RALYL: variants seen among roughly 807,000 people sequenced by gnomAD.
The protein encoded by RALYL is RNA-binding Raly-like protein.
RALYL carries 29 observed loss-of-function variants against 35.1 expected under a neutral mutation model. That is an observed-to-expected ratio of 0.83 (90% CI 0.61 to 1.13). The LOEUF (loss-of-function observed/expected upper bound fraction) is 1.13. RALYL is among the 50% of genes most tolerant of loss of function. The pLI, the probability that RALYL is intolerant of heterozygous loss-of-function variation, is 0.00. For missense variants in RALYL, 359 were observed against 360.4 expected (o/e 1.00, Z 0.03); for synonymous variants, 120 against 127.6 (o/e 0.94, Z 0.40).
At position 84,812,596 on chromosome 8, in the gene RALYL, G is replaced by T. The variant is rs1231789830; in HGVS notation, c.365+7794G>T. On this transcript the variant is annotated intron_variant, in intron 4 of 8. Transcript: ENST00000521268. ...CCGAGCTCAGGCTCTCCTTCGATGGGTCTTGCTGTGGCTGCTGTGGGGGAC... is the reference window on the plus strand; with the variant it reads ...CCGAGCTCAGGCTCTCCTTCGATGGTTCTTGCTGTGGCTGCTGTGGGGGAC... Among the ~76,000 whole-genome samples the T allele has an allele frequency of 2.0e-5, 3 of 152,156 alleles. No homozygotes were observed. In the East Asian group the frequency reaches 5.8e-4, roughly 29 times the overall value.
chr8:84,868,116 G>T (rs539617065), intron 6 of RALYL, among the ~76,000 whole-genome samples: 1 of 152,102 alleles, frequency 6.6e-6, no homozygotes, highest in South Asian at 2.1e-4. Context: ...GGGTAGGAGG[G>T]TGGGACCTAT....
intron 1 of RALYL, among the ~76,000 whole-genome samples, chr8:84,463,582 G>C (rs1301466358): frequency 1.3e-5 from 2 of 151,980 alleles, no homozygotes; most frequent in East Asian, 1.9e-4. Flanking sequence ...TTCAGATTTA[G>C]CGTGTGTCTG....
chr8:84,878,896 G>A (rs951427541), intron 7 of RALYL, among the ~76,000 whole-genome samples: 2 of 152,104 alleles, frequency 1.3e-5, no homozygotes, highest in African/African-American at 4.8e-5. Context: ...TATTCATTCT[G>A]AGTTGGGTTT....
intron 2 of RALYL, among the ~76,000 whole-genome samples, chr8:84,655,879 G>T (rs2131592496): frequency 6.6e-6 from 1 of 152,240 alleles, no homozygotes; most frequent in East Asian, 1.9e-4. Context: ...CTGGAAGTAT[G>T]TTTCAGAAAT....
intron 4 of RALYL, chr8:84,829,579 T>G (rs959678223): frequency 6.6e-6 from 1 of 152,062 alleles, no homozygotes; most frequent in Admixed American, 6.5e-5. Flanking sequence ...CCCTCCTCAG[T>G]GCCTTTAAAA....
At chr8:84,726,978 G>T (rs1845085371) in intron 2 of RALYL, among the ~76,000 whole-genome samples, 1 of 151,982 alleles carries the variant, frequency 6.6e-6, no homozygotes, top group Admixed American at 6.6e-5. Flanking sequence ...CTTGAAGGAT[G>T]GGTAGACTAT....
At chr8:84,471,804 A>G (rs2133716389) in intron 1 of RALYL, among the ~76,000 whole-genome samples, 1 of 152,320 alleles carries the variant, frequency 6.6e-6, no homozygotes, top group East Asian at 1.9e-4. Flanking sequence ...AACATTTCCC[A>G]ATGGATTTTG....
chr8:84,334,058 A>T (rs1847322548), intron 1 of RALYL, among the ~76,000 whole-genome samples: 1 of 151,800 alleles, frequency 6.6e-6, no homozygotes, highest in South Asian at 2.1e-4. Flanking sequence ...CTAAATTTGT[A>T]TTTTTTGTAG....
At chr8:84,846,169 T>A (rs1023151163) in intron 4 of RALYL, among the ~76,000 whole-genome samples, 2 of 152,206 alleles carry the variant, frequency 1.3e-5, no homozygotes, top group East Asian at 3.8e-4. Context: ...TTCTTCCAGT[T>A]CTTTAAAAAA....
intron 4 of RALYL, among the ~76,000 whole-genome samples, chr8:84,844,764 A>G (rs1834239232): frequency 6.6e-6 from 1 of 152,258 alleles, no homozygotes; most frequent in Non-Finnish European, 1.5e-5. Context: ...TGTGGCACAT[A>G]TACAGCATGG....
intron 1 of RALYL, among the ~76,000 whole-genome samples, chr8:84,493,063 C>A (rs1304551321): frequency 6.6e-6 from 1 of 152,064 alleles, no homozygotes; most frequent in Non-Finnish European, 1.5e-5. Flanking sequence ...GATGCTCTCC[C>A]TTCCCTCCCC....
At chr8:84,576,289 G>A (rs886960558) in intron 2 of RALYL, among the ~76,000 whole-genome samples, 1 of 152,102 alleles carries the variant, frequency 6.6e-6, no homozygotes, top group African/African-American at 2.4e-5. Flanking sequence ...CTGAACATAA[G>A]CATTACTGTA....
chr8:84,481,457 G>A (rs1004262755), intron 1 of RALYL, among the ~76,000 whole-genome samples: 1 of 150,136 alleles, frequency 6.7e-6, no homozygotes, highest in African/African-American at 2.4e-5. Context: ...AGCTTCCCAA[G>A]TAACTAGGAC....
chr8:84,256,118 G>T lies in RALYL; in HGVS notation c.-24+71694G>T, dbSNP rs187384410. Among the ~76,000 whole-genome samples, 254 of 152,250 alleles carry T rather than the reference G, an allele frequency of 1.7e-3. 1 individual carries two copies. Among genetic ancestry groups the T allele is most frequent in the African/African-American group, 5.9e-3 (244 of 41,560 alleles). ...GGTGAAGGGTATAATTATCTCTGAG[G>T]TTGGGAAGGGTTATATGTGCTGGCT... On this transcript the variant is annotated intron_variant, in intron 1 of 8. Coordinates refer to ENST00000521268, the MANE Select transcript of RALYL (RefSeq NM_173848.7).
At chr8:84,404,798 T>C (rs1012589456) in intron 1 of RALYL, among the ~76,000 whole-genome samples, 9 of 152,176 alleles carry the variant, frequency 5.9e-5, no homozygotes, top group Non-Finnish European at 1.3e-4. Flanking sequence ...ATCTGTCTGG[T>C]CCAGAAGTTT....
At chr8:84,688,302 T>C (rs1837261551) in intron 2 of RALYL, among the ~76,000 whole-genome samples, 2 of 152,188 alleles carry the variant, frequency 1.3e-5, no homozygotes, top group Non-Finnish European at 2.9e-5. Context: ...TAAAGGCAAA[T>C]ATGTATCCAA....
intron 2 of RALYL, among the ~76,000 whole-genome samples, chr8:84,769,126 G>T (rs190006962): frequency 2.6e-5 from 4 of 152,166 alleles, no homozygotes; most frequent in East Asian, 3.9e-4. Flanking sequence ...ATTTTCATGC[G>T]CATGTGCCCT....
At chr8:84,523,564 T>C (rs1035767684) in intron 1 of RALYL, among the ~76,000 whole-genome samples, 4 of 151,998 alleles carry the variant, frequency 2.6e-5, no homozygotes, top group Admixed American at 6.6e-5. Context: ...GTGCACATTG[T>C]GCAGGTTAGT....
At chr8:84,729,966 C>G (rs1012621634) in intron 2 of RALYL, among the ~76,000 whole-genome samples, 3 of 152,128 alleles carry the variant, frequency 2.0e-5, no homozygotes, top group African/African-American at 7.2e-5. Flanking sequence ...CAAGGAGGAA[C>G]TGGTACCATT....
Sources: gnomAD v4.1 joint callset for allele counts (sites outside exome capture counted in the v4.1 genomes callset) on GRCh38, gnomAD v4.1.1 for gene constraint, MANE v1.5 for transcripts, NCBI Gene and HGNC (gene_info 2026-07-23, HGNC 2026-07-21) for gene names.